MAGI1: variants seen among roughly 807,000 people sequenced by gnomAD.
MAGI1 encodes membrane-associated guanylate kinase, WW and PDZ domain-containing protein 1.
MAGI1 carries 58 observed loss-of-function variants against 139.9 expected under a neutral mutation model. The observed-to-expected ratio is 0.41, with a 90% CI of 0.34 to 0.52. The LOEUF (loss-of-function observed/expected upper bound fraction) is 0.52, where lower values mean the gene tolerates loss of function less well. MAGI1 is among the 20% of genes least tolerant of loss of function. MAGI1 has a pLI of 0.12. For synonymous variants in MAGI1, 812 were observed against 737.9 expected, an observed-to-expected ratio of 1.10 and a Z score of -1.63; for missense variants, 1,874 against 1,901.6, an observed-to-expected ratio of 0.99 and a Z score of 0.27.
chr3:65,943,612 T>C (rs1375733408), intron 1 of MAGI1, among the ~76,000 whole-genome samples: 1 of 151,956 alleles, frequency 6.6e-6, no homozygotes. Context: ...TACCCTACTA[T>C]ATGTGATGCA....
chr3:65,398,944 A>T (rs367996638), intron 13 of MAGI1, among the ~76,000 whole-genome samples: 1 of 152,294 alleles, frequency 6.6e-6, no homozygotes, highest in East Asian at 1.9e-4. Context: ...ACAAGATAAA[A>T]AAAGATAAGT....
At chr3:65,819,465 A>G (rs556103136) in intron 1 of MAGI1, among the ~76,000 whole-genome samples, 2 of 152,288 alleles carry the variant, frequency 1.3e-5, no homozygotes, top group South Asian at 4.1e-4. Flanking sequence ...ATACAAGTGA[A>G]TAACAGCAGG....
intron 10 of MAGI1, among the ~76,000 whole-genome samples, chr3:65,435,404 T>G (rs1021222217): frequency 6.6e-6 from 1 of 152,158 alleles, no homozygotes; most frequent in Non-Finnish European, 1.5e-5. Flanking sequence ...CTTTACAGCT[T>G]TAATTTATTT....
chr3:65,941,465 G>A (rs1040026707), intron 1 of MAGI1, among the ~76,000 whole-genome samples: 7 of 152,260 alleles, frequency 4.6e-5, no homozygotes, highest in African/African-American at 1.2e-4. Context: ...GACATTTGGC[G>A]CTAGTTATTG....
At chr3:65,644,110 C>A (rs775585966) in intron 1 of MAGI1, among the ~76,000 whole-genome samples, 4 of 152,120 alleles carry the variant, frequency 2.6e-5, no homozygotes, top group Non-Finnish European at 5.9e-5. Flanking sequence ...TAGACTTCTA[C>A]CCCCACTGGA....
chr3:65,918,880 T>C (rs2062034689), intron 1 of MAGI1, among the ~76,000 whole-genome samples: 1 of 152,024 alleles, frequency 6.6e-6, no homozygotes, highest in Admixed American at 6.6e-5. Context: ...GGAGTTCAAT[T>C]ATACTGCAGA....
At chr3:65,579,924 C>G (rs1005327817) in intron 2 of MAGI1, among the ~76,000 whole-genome samples, 2 of 151,154 alleles carry the variant, frequency 1.3e-5, no homozygotes, top group Non-Finnish European at 2.9e-5. Context: ...CACTGGCACT[C>G]TTTTTTCATT....
chr3:65,886,915 C>T (rs1181514789), intron 1 of MAGI1, among the ~76,000 whole-genome samples: 1 of 152,208 alleles, frequency 6.6e-6, no homozygotes, highest in Non-Finnish European at 1.5e-5. Flanking sequence ...CCTGATCCTA[C>T]ACATCTCTTC....
intron 16 of MAGI1, among the ~76,000 whole-genome samples, chr3:65,381,413 T>C (rs3772193): frequency 0.32 from 48,418 of 151,486 alleles, 9,601 homozygotes; most frequent in East Asian, 0.58. Context: ...ACAACTTTCT[T>C]GTAGAAAGAA....
intron 2 of MAGI1, among the ~76,000 whole-genome samples, chr3:65,582,252 A>G (rs1298640751): frequency 6.6e-6 from 1 of 152,178 alleles, no homozygotes; most frequent in Non-Finnish European, 1.5e-5. Flanking sequence ...TATTTAGTGA[A>G]TGAGTAAGCT....
At chr3:65,658,704 C>T (rs1292602836) in intron 1 of MAGI1, among the ~76,000 whole-genome samples, 2 of 152,130 alleles carry the variant, frequency 1.3e-5, no homozygotes, top group Non-Finnish European at 2.9e-5. Context: ...CAAGTTCTCT[C>T]CCTCTCTCTC....
intron 18 of MAGI1, chr3:65,365,189 G>T: frequency 1.4e-6 from 1 of 695,298 alleles, no homozygotes; most frequent in Non-Finnish European, 2.7e-6. Flanking sequence ...AAATAAAACA[G>T]AGTTTGCCAA....
intron 1 of MAGI1, among the ~76,000 whole-genome samples, chr3:65,743,514 C>T (rs1238199527): frequency 2.0e-5 from 3 of 151,806 alleles, no homozygotes. Context: ...TCGAGACCAG[C>T]CTGGCCAACA....
intron 1 of MAGI1, among the ~76,000 whole-genome samples, chr3:65,876,836 C>A (rs1330218962): frequency 2.0e-5 from 3 of 151,620 alleles, no homozygotes; most frequent in African/African-American, 7.3e-5. Flanking sequence ...CTCCGCTTCC[C>A]AGGTTCATGC....
chr3:66,028,683 C>T (rs970274573), intron 1 of MAGI1, among the ~76,000 whole-genome samples: 13 of 152,084 alleles, frequency 8.5e-5, no homozygotes, highest in South Asian at 4.1e-4. Flanking sequence ...CTGCGACCTG[C>T]GAACAATCAT....
chr3:66,011,235 G>A (rs1394142827), intron 1 of MAGI1, among the ~76,000 whole-genome samples: 6 of 152,234 alleles, frequency 3.9e-5, no homozygotes, highest in Admixed American at 6.5e-5. Flanking sequence ...ACATAAATGC[G>A]CCAAAGGGAA....
chr3:65,669,781 A>C (rs1379223963), intron 1 of MAGI1, among the ~76,000 whole-genome samples: 1 of 152,178 alleles, frequency 6.6e-6, no homozygotes, highest in Non-Finnish European at 1.5e-5. Context: ...ATCCAGTGGA[A>C]AGTTTGCTCA....
At chr3:65,865,417 G>A (rs2059689860) in intron 1 of MAGI1, among the ~76,000 whole-genome samples, 1 of 152,072 alleles carries the variant, frequency 6.6e-6, no homozygotes, top group Admixed American at 6.6e-5. Flanking sequence ...GCAACATGGT[G>A]AGACATCATC....
At chr3:65,740,601 T>C (rs2035179481) in intron 1 of MAGI1, among the ~76,000 whole-genome samples, 1 of 152,194 alleles carries the variant, frequency 6.6e-6, no homozygotes. Context: ...AAAATCCCAG[T>C]GATAGTGGGG....
Sources: gnomAD v4.1 joint callset for allele counts (sites outside exome capture counted in the v4.1 genomes callset) on GRCh38, gnomAD v4.1.1 for gene constraint, MANE v1.5 for transcripts, NCBI Gene and HGNC (gene_info 2026-07-23, HGNC 2026-07-21) for gene names.